SPON2: variants seen among roughly 807,000 people sequenced by gnomAD.
The protein encoded by SPON2 is spondin-2.
In SPON2, 32 loss-of-function variants were observed where a neutral mutation model predicts 29.9. The observed-to-expected ratio is 1.07, with a 90% CI of 0.81 to 1.44. The LOEUF (loss-of-function observed/expected upper bound fraction) is 1.44. Among genes scored for constraint, SPON2 ranks in the 40% most tolerant of loss-of-function variants. SPON2 has a pLI of 0.00. For synonymous variants in SPON2, 248 were observed against 209.1 expected (o/e 1.19, Z -1.61); for missense variants, 541 against 455.5 (o/e 1.19, Z -1.71).
intron 1 of SPON2, among the ~76,000 whole-genome samples, chr4:1,189,612 C>G (rs1299775346): frequency 7.7e-6 from 1 of 129,720 alleles, no homozygotes; most frequent in Non-Finnish European, 1.6e-5. Context: ...GCACTCCAGC[C>G]TGGGCAACAG....
intron 1 of SPON2, among the ~76,000 whole-genome samples, chr4:1,186,417 T>C (rs1727808146): frequency 6.6e-6 from 1 of 151,920 alleles, no homozygotes; most frequent in South Asian, 2.1e-4. Context: ...AATTCTCCTG[T>C]CTCAACCTCC....
At chr4:1,176,896 T>TCATTCATTCATTAACCACAAGGTGAG (rs1727615116), upstream of SPON2, among the ~76,000 whole-genome samples, 1 of 152,206 alleles carries the variant, frequency 6.6e-6, no homozygotes, top group Non-Finnish European at 1.5e-5. Context: ...TTCACACCAT[T>TCATTCATTCATTAACCACAAGGTGAG]CATTCATTCA....
intron 2 of SPON2, 72 bp downstream of exon 2, chr4:1,171,780 G>A: frequency 9.6e-7 from 1 of 1,047,030 alleles, no homozygotes; most frequent in Non-Finnish European, 1.5e-6. Context: ...GCGCCGCCGT[G>A]CAGCTGTGCG....
At chr4:1,168,466 C>T (rs1045121828) in intron 5 of SPON2, among the ~76,000 whole-genome samples, 1 of 152,246 alleles carries the variant, frequency 6.6e-6, no homozygotes, top group Admixed American at 6.5e-5. Flanking sequence ...TGTGCAGGTG[C>T]AGTGCCTGGA....
At chr4:1,198,142 G>C (rs59476354), upstream of SPON2, among the ~76,000 whole-genome samples, 627 of 152,180 alleles carry the variant, frequency 4.1e-3, 7 homozygotes, top group African/African-American at 0.015. Context: ...TAGGAAGAAA[G>C]AGACCCCAGT....
intron 1 of SPON2, among the ~76,000 whole-genome samples, chr4:1,182,197 A>G (rs1727712058): frequency 6.6e-6 from 1 of 152,244 alleles, no homozygotes; most frequent in South Asian, 2.1e-4. Flanking sequence ...AGGCATACAA[A>G]GAAACAGGAA....
At position 1,202,130 on chromosome 4, in the gene SPON2, CAG is replaced by C. The variant is rs992439294; in HGVS notation, c.-234+5748_-234+5749del. On this transcript the variant is annotated intron_variant, in intron 1 of 3. Coordinates refer to the SPON2 transcript ENST00000509233. The surrounding 1 kb of genome is among the most constrained non-coding windows in gnomAD (Gnocchi z 5.4). ...CGCCACGGTTTGAGTGAGGCCACAA[CAG>C]AACATCAGACAGCAGTTTATCAACA... Among the ~76,000 whole-genome samples, 2 of 152,226 alleles carry C rather than the reference CAG, an allele frequency of 1.3e-5. No individual in the cohort carries two copies. Among genetic ancestry groups the C allele is most frequent in the African/African-American group, 4.8e-5 (2 of 41,462 alleles).
chr4:1,189,011 T>C (rs1727854591), intron 1 of SPON2, among the ~76,000 whole-genome samples: 1 of 152,130 alleles, frequency 6.6e-6, no homozygotes, highest in South Asian at 2.1e-4. Flanking sequence ...TGAATGAAAT[T>C]ACAAATCAAT....
Position 1,171,964 on chromosome 4 carries a change from G to A in SPON2, c.108C>T (p.Ser36=), listed in dbSNP as rs1438646144. 9 of 1,612,834 alleles carry A rather than the reference G, an allele frequency of 5.6e-6. No individual in the cohort carries two copies. The Middle Eastern group carries it at 4.9e-4, about 88-fold the overall frequency. ...GQPLGGESIC[S]ARALAKYSIT... Reference sequence around the variant, plus strand: ...TGCTGTATTTGGCCAGGGCTCTGGCGGAACAGATGGACTCTCCCCCAAGAG... The same window carrying A: ...TGCTGTATTTGGCCAGGGCTCTGGCAGAACAGATGGACTCTCCCCCAAGAG... Residue 36 remains serine (S), a synonymous_variant, in exon 2 of 6, where the codon TCC becomes TCT. Transcript: ENST00000290902.
intron 1 of SPON2, among the ~76,000 whole-genome samples, chr4:1,203,364 C>T (rs995637044): frequency 6.6e-6 from 1 of 152,118 alleles, no homozygotes; most frequent in Non-Finnish European, 1.5e-5. Context: ...GATATGTGGC[C>T]GTCTGCGTCT....
chr4:1,207,399 G>A (rs1417451476), intron 1 of SPON2, among the ~76,000 whole-genome samples: 3 of 152,202 alleles, frequency 2.0e-5, no homozygotes, highest in Admixed American at 2.0e-4. Context: ...GACCTGGATA[G>A]TGAGTGGCGA....
chr4:1,169,015 C>T (rs1418254910), intron 5 of SPON2, among the ~76,000 whole-genome samples: 2 of 152,130 alleles, frequency 1.3e-5, no homozygotes, highest in Admixed American at 1.3e-4. Context: ...GCACAGCTGG[C>T]TCTGTCCGTC....
At chr4:1,197,786 C>T (rs187472079), upstream of SPON2, among the ~76,000 whole-genome samples, 322 of 152,296 alleles carry the variant, frequency 2.1e-3, no homozygotes, top group Non-Finnish European at 3.9e-3. Flanking sequence ...TGGTGGCTCA[C>T]GCCTGTAATG....
chr4:1,191,912 A>C (rs1727921797), intron 1 of SPON2, among the ~76,000 whole-genome samples: 1 of 152,176 alleles, frequency 6.6e-6, no homozygotes, highest in South Asian at 2.1e-4. Context: ...CCCTCCCCAT[A>C]GGCCTACACA....
At chr4:1,182,630 G>A (rs541142985) in intron 1 of SPON2, among the ~76,000 whole-genome samples, 2 of 152,256 alleles carry the variant, frequency 1.3e-5, no homozygotes, top group Non-Finnish European at 2.9e-5. Flanking sequence ...ATATGCATTG[G>A]GGGAGAAGAG....
upstream of SPON2, among the ~76,000 whole-genome samples, chr4:1,195,722 G>A (rs1193305396): frequency 2.0e-4 from 13 of 63,452 alleles, no homozygotes; most frequent in African/African-American, 4.3e-4. Context: ...CCCCCACCCC[G>A]GAGACCCCCA....
chr4:1,175,322 G>A (rs1034553972), upstream of SPON2, among the ~76,000 whole-genome samples: 4 of 152,236 alleles, frequency 2.6e-5, no homozygotes, highest in Non-Finnish European at 5.9e-5. Flanking sequence ...AGCTCTGGCC[G>A]TGGCAGCGGC....
intron 1 of SPON2, among the ~76,000 whole-genome samples, chr4:1,192,127 C>A (rs962947123): frequency 5.9e-5 from 9 of 152,230 alleles, no homozygotes; most frequent in Non-Finnish European, 1.0e-4. Flanking sequence ...CTGTGTGACC[C>A]GGCATGGGTT....
At chr4:1,172,413 ACTAGACCCTTAAAG>A in intron 1 of SPON2, 117 bp downstream of exon 1, 1 of 436,050 alleles carries the variant, frequency 2.3e-6, no homozygotes, top group South Asian at 2.3e-5. Context: ...TGCCCCCGGG[ACTAGACCCTTAAAG>A]CTCGGTCGCA....
Sources: gnomAD v4.1 joint callset for allele counts (sites outside exome capture counted in the v4.1 genomes callset) on GRCh38, gnomAD v4.1.1 for gene constraint, Gnocchi (gnomAD v3.1) non-coding constraint, MANE v1.5 for transcripts, NCBI Gene and HGNC (gene_info 2026-07-23, HGNC 2026-07-21) for gene names.